DHRSX: variants seen among roughly 807,000 people sequenced by gnomAD.
DHRSX encodes the protein polyprenol dehydrogenase.
A neutral mutation model predicts 34.0 loss-of-function variants in DHRSX; 31 were observed. That is an observed-to-expected ratio of 0.91 (90% CI 0.69 to 1.23). The LOEUF (loss-of-function observed/expected upper bound fraction) is 1.23. Among genes scored for constraint, DHRSX ranks in the 50% most tolerant of loss-of-function variants. DHRSX has a pLI of 0.00. For synonymous variants in DHRSX, 201 were observed against 183.8 expected, an observed-to-expected ratio of 1.09 and a Z score of -0.76; for missense variants, 414 against 428.1, an observed-to-expected ratio of 0.97 and a Z score of 0.29.
intron 1 of DHRSX, among the ~76,000 whole-genome samples, chrX:2,480,705 G>A (rs1228122791): frequency 6.6e-6 from 1 of 152,044 alleles, no homozygotes; most frequent in Non-Finnish European, 1.5e-5. Flanking sequence ...TGTAGTCCCA[G>A]CTACCTGGGA....
chrX:2,453,349 C>T (rs1225994654), intron 1 of DHRSX, among the ~76,000 whole-genome samples: 3 of 150,070 alleles, frequency 2.0e-5, no homozygotes, highest in Non-Finnish European at 3.0e-5. Context: ...GCCTGGGCAA[C>T]AGAATGAAAC....
chrX:2,304,231 GGATGGATGGATA>G (rs2042069693), intron 3 of DHRSX, among the ~76,000 whole-genome samples: 1 of 137,662 alleles, frequency 7.3e-6, no homozygotes. Context: ...ATGGATGGAT[GGATGGATGGATA>G]AATGGATGGA....
chrX:2,324,944 T>C (rs2042360187), intron 3 of DHRSX, among the ~76,000 whole-genome samples: 1 of 72,182 alleles, frequency 1.4e-5, no homozygotes, highest in South Asian at 3.3e-4. Flanking sequence ...AATTTTTGTT[T>C]TGTTTTTTTT....
intron 1 of DHRSX, among the ~76,000 whole-genome samples, chrX:2,493,500 C>T (rs184659057): frequency 2.8e-4 from 43 of 151,242 alleles, no homozygotes; most frequent in African/African-American, 9.9e-4. Flanking sequence ...TGGCTGAAAG[C>T]GGTTCTGGAA....
chrX:2,476,901 C>A (rs1482461557), intron 1 of DHRSX, among the ~76,000 whole-genome samples: 1 of 152,022 alleles, frequency 6.6e-6, no homozygotes, highest in African/African-American at 2.4e-5. Context: ...ACTTGAGAGG[C>A]TGAGGCAGGA....
intron 3 of DHRSX, among the ~76,000 whole-genome samples, chrX:2,323,230 G>A (rs1432286952): frequency 6.6e-6 from 1 of 152,160 alleles, no homozygotes; most frequent in Non-Finnish European, 1.5e-5. Context: ...GTAGCCAAGC[G>A]CCATAGCCAC....
intron 3 of DHRSX, among the ~76,000 whole-genome samples, chrX:2,407,152 C>T (rs780002254): frequency 2.6e-5 from 4 of 152,310 alleles, no homozygotes; most frequent in Non-Finnish European, 5.9e-5. Flanking sequence ...CCCTAAGGGA[C>T]ATAACTCAGA....
At chrX:2,370,638 C>T (rs1227235053) in intron 3 of DHRSX, among the ~76,000 whole-genome samples, 1 of 150,336 alleles carries the variant, frequency 6.7e-6, no homozygotes. Context: ...CAGATGCTTC[C>T]AAGTCAGCCT....
chrX:2,382,681 TCAC>T lies in DHRSX; in HGVS notation c.286+26061_286+26063del, dbSNP rs1210321305. ...ACCATCATCACCATCATCATCACCA[TCAC>T]CATCATCACCATCATCACCATCACC... is the stretch of plus-strand genomic sequence containing the variant. On this transcript the variant is annotated intron_variant, in intron 3 of 6. Transcript: ENST00000334651. Among the ~76,000 whole-genome samples the T allele has an allele frequency of 1.6e-3, 140 of 87,886 alleles. 1 individual carries two copies. The highest frequency in any genetic ancestry group is 5.7e-3 in the African/African-American group (129 of 22,668). The allele number at this position is 87,886 out of a possible 152,430, so 57.7% of individuals were successfully genotyped here.
At chrX:2,346,491 C>G (rs1380197451) in intron 3 of DHRSX, among the ~76,000 whole-genome samples, 1 of 152,010 alleles carries the variant, frequency 6.6e-6, no homozygotes, top group Non-Finnish European at 1.5e-5. Context: ...AAGCTGCTGT[C>G]AAGCTCAATC....
chrX:2,235,243 A>C (rs1400556765), intron 6 of DHRSX, among the ~76,000 whole-genome samples: 1 of 152,168 alleles, frequency 6.6e-6, no homozygotes, highest in Non-Finnish European at 1.5e-5. Context: ...GGGTCTACAC[A>C]GACACAGAGG....
At chrX:2,369,924 T>C (rs1304178457) in intron 3 of DHRSX, among the ~76,000 whole-genome samples, 1 of 151,792 alleles carries the variant, frequency 6.6e-6, no homozygotes, top group Non-Finnish European at 1.5e-5. Flanking sequence ...ATTACAGGCA[T>C]GAGCCCCTGT....
intron 5 of DHRSX, among the ~76,000 whole-genome samples, chrX:2,246,669 G>C (rs1272298049): frequency 1.2e-5 from 1 of 86,478 alleles, no homozygotes; most frequent in African/African-American, 4.4e-5. Flanking sequence ...AGAAAAGAAA[G>C]AAAAGAAAGA....
At chrX:2,392,842 C>A (rs2043351444) in intron 3 of DHRSX, among the ~76,000 whole-genome samples, 1 of 139,768 alleles carries the variant, frequency 7.2e-6, no homozygotes. Context: ...TTATAGTTAT[C>A]ATTATATATT....
chrX:2,420,346 T>C (rs937896221), intron 2 of DHRSX, among the ~76,000 whole-genome samples: 2 of 151,638 alleles, frequency 1.3e-5, no homozygotes, highest in Non-Finnish European at 2.9e-5. Context: ...AGGCAGAGTT[T>C]GCGGTGAGCT....
intron 2 of DHRSX, among the ~76,000 whole-genome samples, chrX:2,413,797 T>G (rs28472880): frequency 6.6e-6 from 1 of 151,930 alleles, no homozygotes. Flanking sequence ...TCATTAGGAC[T>G]AACCAAAATA....
At chrX:2,264,030 G>A (rs1340413306) in intron 5 of DHRSX, among the ~76,000 whole-genome samples, 3 of 152,210 alleles carry the variant, frequency 2.0e-5, no homozygotes, top group East Asian at 3.8e-4. Flanking sequence ...AAATAGATCC[G>A]TTTTCCTTTT....
At chrX:2,428,231 T>C (rs2043873313) in intron 1 of DHRSX, among the ~76,000 whole-genome samples, 1 of 152,140 alleles carries the variant, frequency 6.6e-6, no homozygotes, top group African/African-American at 2.4e-5. Context: ...GTAACACAAG[T>C]GTACTCATAC....
At chrX:2,335,662 C>T (rs1405448278) in intron 3 of DHRSX, among the ~76,000 whole-genome samples, 1 of 151,854 alleles carries the variant, frequency 6.6e-6, no homozygotes, top group Admixed American at 6.6e-5. Flanking sequence ...TCATATAGGC[C>T]AGGATGGTCT....
Sources: allele counts gnomAD v4.1 joint callset (sites outside exome capture counted in the v4.1 genomes callset), GRCh38; gene constraint gnomAD v4.1.1; transcripts MANE v1.5; gene names NCBI Gene and HGNC (gene_info 2026-07-23, HGNC 2026-07-21).